The following HERPUD2 variants were observed in gnomAD, a reference collection of about 807,000 sequenced individuals.
HERPUD2 encodes HERPUD family member 2, also known as homocysteine-responsive endoplasmic reticulum-resident ubiquitin-like domain member 2 protein.
HERPUD2 carries 13 observed loss-of-function variants against 49.9 expected under a neutral mutation model. The ratio of observed to expected loss-of-function variants is 0.26; its 90% CI spans 0.17 to 0.41. The LOEUF (loss-of-function observed/expected upper bound fraction) is 0.41, where lower values mean the gene tolerates loss of function less well. Ranked by LOEUF, HERPUD2 falls within the 10% of genes least tolerant of loss-of-function variation. HERPUD2 has a pLI of 1.00. For synonymous variants in HERPUD2, 172 were observed against 171.4 expected (o/e 1.00, Z -0.03); for missense variants, 449 against 492.2 (o/e 0.91, Z 0.83).
chr7:35,649,467 G>A (rs1384149138), intron 5 of HERPUD2, among the ~76,000 whole-genome samples: 1 of 152,144 alleles, frequency 6.6e-6, no homozygotes, highest in East Asian at 1.9e-4. Flanking sequence ...TTTATTCTGA[G>A]CCAAATACGA....
intron 4 of HERPUD2, among the ~76,000 whole-genome samples, chr7:35,669,013 G>GA (rs1785594544): frequency 6.6e-6 from 1 of 151,894 alleles, no homozygotes. Context: ...TCATAACACT[G>GA]AAAAAAACAA....
At position 35,633,423 on chromosome 7, in the gene HERPUD2, C is replaced by T. The variant is rs1418476348; in HGVS notation, c.*267G>A. ...ATGAAAATAGGTCTGTCCTGGTATA[C>T]TACACATAATTGAAATGAGTAACAC... On this transcript the variant is annotated 3_prime_UTR_variant, in exon 9 of 9. Transcript: ENST00000311350. 1 of 238,040 alleles carries T rather than the reference C, an allele frequency of 4.2e-6. No individual in the cohort carries two copies. Among genetic ancestry groups the T allele is most frequent in the Non-Finnish European group, 8.0e-6 (1 of 124,372 alleles). 14.7% of individuals were successfully genotyped at this position (238,040 alleles called of 1,614,324 possible).
intron 5 of HERPUD2, among the ~76,000 whole-genome samples, chr7:35,642,650 T>C (rs1008288658): frequency 1.3e-5 from 2 of 152,236 alleles, no homozygotes; most frequent in African/African-American, 4.8e-5. Flanking sequence ...ATCATGTCTT[T>C]TGCGGGAACA....
At chr7:35,656,913 T>C (rs28851517) in intron 5 of HERPUD2, among the ~76,000 whole-genome samples, 3,323 of 150,776 alleles carry the variant, frequency 0.022, 124 homozygotes, top group African/African-American at 0.076. Context: ...ATAAAACTAC[T>C]AAAAGAAAAC....
chr7:35,645,328 T>A (rs769975067), intron 5 of HERPUD2, among the ~76,000 whole-genome samples: 1 of 152,160 alleles, frequency 6.6e-6, no homozygotes, highest in Admixed American at 6.5e-5. Context: ...TTCCCTATAG[T>A]CATAGATACT....
intron 6 of HERPUD2, among the ~76,000 whole-genome samples, chr7:35,637,933 T>A (rs1000341804): frequency 5.3e-5 from 8 of 152,306 alleles, no homozygotes; most frequent in Non-Finnish European, 1.2e-4. Context: ...CTAGGACTGT[T>A]CCATGCTGAC....
chr7:35,668,819 T>C (rs910465591), intron 4 of HERPUD2, among the ~76,000 whole-genome samples: 1 of 152,138 alleles, frequency 6.6e-6, no homozygotes, highest in Non-Finnish European at 1.5e-5. Context: ...AATACAATTA[T>C]TAGAAGAAAA....
At chr7:35,650,392 T>A (rs530660376) in intron 5 of HERPUD2, among the ~76,000 whole-genome samples, 3 of 152,068 alleles carry the variant, frequency 2.0e-5, no homozygotes, top group Admixed American at 6.5e-5. Context: ...AGAGAGACCC[T>A]TAATGCACAC....
At chr7:35,645,561 T>C (rs998439100) in intron 5 of HERPUD2, among the ~76,000 whole-genome samples, 5 of 152,204 alleles carry the variant, frequency 3.3e-5, no homozygotes, top group Admixed American at 6.5e-5. Flanking sequence ...CTCACTTCCA[T>C]TGTCAATAGG....
rs542004056 is a variant in HERPUD2, at chr7:35,690,249, G to A, written c.147+3935C>T. The stretch of plus-strand genomic sequence containing the variant: ...TCTATATATTCTGTAATATAAACTA[G>A]TGCACTTCCCATTTCCTAAACCAAG... On this transcript the variant is annotated intron_variant, in intron 2 of 8. Coordinates refer to ENST00000311350, the MANE Select transcript of HERPUD2 (RefSeq NM_022373.5). Among the ~76,000 whole-genome samples the A allele has an allele frequency of 7.9e-5, 12 of 152,246 alleles. No individual in the cohort carries two copies. The East Asian group carries it at 1.4e-3, about 17-fold the overall frequency.
chr7:35,633,642 C>G lies in HERPUD2; in HGVS notation c.*48G>C. The G allele has an allele frequency of 3.9e-6, 6 of 1,552,870 alleles. No homozygotes were observed. The highest frequency in any genetic ancestry group is 5.2e-6 in the Non-Finnish European group (6 of 1,146,768). ...TTTGAAATTGCACTGTTATTTAAAC[C>G]ACTTTCCTGAAGTCAGACCCTCCTT... On this transcript the variant is annotated 3_prime_UTR_variant, in exon 9 of 9. Transcript: ENST00000311350.
intron 2 of HERPUD2, among the ~76,000 whole-genome samples, chr7:35,682,623 C>T (rs1377959272): frequency 6.6e-6 from 1 of 151,624 alleles, no homozygotes; most frequent in Non-Finnish European, 1.5e-5. Context: ...GGAAGTCGAA[C>T]TGTCGCTGTT....
chr7:35,667,729 A>C, intron 4 of HERPUD2, 141 bp from the exon 5 acceptor site: 1 of 593,182 alleles, frequency 1.7e-6, no homozygotes, highest in Non-Finnish European at 2.8e-6. Flanking sequence ...TCGTGTGTCC[A>C]GTATAAGTAG....
chr7:35,652,030 T>C (rs1785179325), intron 5 of HERPUD2, among the ~76,000 whole-genome samples: 1 of 152,186 alleles, frequency 6.6e-6, no homozygotes, highest in African/African-American at 2.4e-5. Flanking sequence ...TCTGGGGAAT[T>C]TAGAGGTAAT....
chr7:35,641,572 T>C (rs1784967692), intron 5 of HERPUD2, among the ~76,000 whole-genome samples: 1 of 152,176 alleles, frequency 6.6e-6, no homozygotes, highest in South Asian at 2.1e-4. Context: ...GACTTCAAAC[T>C]ACTGCAGGTC....
chr7:35,680,490 C>A (rs1336972796), intron 2 of HERPUD2, among the ~76,000 whole-genome samples: 1 of 152,284 alleles, frequency 6.6e-6, no homozygotes, highest in East Asian at 1.9e-4. Flanking sequence ...ATTCCCACTA[C>A]AATGGATTTA....
chr7:35,646,984 AC>A (rs66562089), intron 5 of HERPUD2, among the ~76,000 whole-genome samples: 26,884 of 152,142 alleles, frequency 0.18, 2,792 homozygotes, highest in Middle Eastern at 0.23. Flanking sequence ...TGAAAAAAAA[AC>A]CAAGAAGGAG....
chr7:35,689,479 A>C (rs1181271343), intron 2 of HERPUD2, among the ~76,000 whole-genome samples: 1 of 152,230 alleles, frequency 6.6e-6, no homozygotes, highest in Non-Finnish European at 1.5e-5. Context: ...GACCTAAGTA[A>C]GGTAATAGGA....
intron 5 of HERPUD2, among the ~76,000 whole-genome samples, chr7:35,640,717 T>C (rs1784955396): frequency 6.6e-6 from 1 of 152,172 alleles, no homozygotes; most frequent in Non-Finnish European, 1.5e-5. Context: ...TGATGCTAAA[T>C]TATAAAGTTA....
Sources: gnomAD v4.1 joint callset for allele counts (sites outside exome capture counted in the v4.1 genomes callset) on GRCh38, gnomAD v4.1.1 for gene constraint, MANE v1.5 for transcripts, NCBI Gene and HGNC (gene_info 2026-07-23, HGNC 2026-07-21) for gene names.